Variants in YARS2 observed in about 807,000 individuals in gnomAD.
YARS2 encodes the protein tyrosyl-tRNA synthetase 2.
In YARS2, 38 loss-of-function variants were observed where a neutral mutation model predicts 45.0. The ratio of observed to expected loss-of-function variants is 0.84; its 90% CI spans 0.65 to 1.11. The LOEUF (loss-of-function observed/expected upper bound fraction) is 1.11, where lower values mean the gene tolerates loss of function less well. Among genes scored for constraint, YARS2 ranks in the 50% least tolerant of loss-of-function variants. YARS2 has a pLI of 0.00. For synonymous variants in YARS2, 287 were observed against 245.1 expected, an observed-to-expected ratio of 1.17 and a Z score of -1.60; for missense variants, 602 against 599.8, an observed-to-expected ratio of 1.00 and a Z score of -0.04.
chr12:32,755,029 G>GA (rs1955820473), intron 1 of YARS2, 67 bp downstream of exon 1: 2 of 1,593,908 alleles, frequency 1.3e-6, no homozygotes, highest in African/African-American at 2.7e-5. Flanking sequence ...TCCTAAGAGT[G>GA]AATCACAGGC....
chr12:32,748,103 C>T (rs1955676763), intron 4 of YARS2, among the ~76,000 whole-genome samples: 1 of 152,140 alleles, frequency 6.6e-6, no homozygotes, highest in Non-Finnish European at 1.5e-5. Context: ...TGGTGGTTTT[C>T]TCTCATCTGA....
At chr12:32,754,443 A>C (rs1680948312) in intron 1 of YARS2, among the ~76,000 whole-genome samples, 1 of 152,212 alleles carries the variant, frequency 6.6e-6, no homozygotes, top group Non-Finnish European at 1.5e-5. Flanking sequence ...GTTGCACATG[A>C]GCTAGCCCTA....
chr12:32,754,148 C>T, intron 1 of YARS2, 63 bp from the exon 2 acceptor site: 1 of 1,595,018 alleles, frequency 6.3e-7, no homozygotes, highest in Non-Finnish European at 8.6e-7. Context: ...TTCTACTGTT[C>T]ACCTTCCAGA....
chr12:32,751,682 A>G (rs1955748644), intron 2 of YARS2, among the ~76,000 whole-genome samples: 1 of 152,168 alleles, frequency 6.6e-6, no homozygotes. Context: ...AAACTGTTCC[A>G]CTTCAGATCA....
At chr12:32,747,541 C>G (rs1565556228) in intron 4 of YARS2, among the ~76,000 whole-genome samples, 178 bp from the exon 5 acceptor site, 1 of 152,118 alleles carries the variant, frequency 6.6e-6, no homozygotes, top group South Asian at 2.1e-4. Context: ...CTTTACTGCT[C>G]TTTGTTTTTT....
chr12:32,753,680 T>TA (rs1295459206), intron 2 of YARS2, among the ~76,000 whole-genome samples: 3 of 152,222 alleles, frequency 2.0e-5, no homozygotes, highest in Admixed American at 2.0e-4. Context: ...ACTTGCTAGA[T>TA]ACAGATCAAA....
chr12:32,750,911 C>G, intron 2 of YARS2, 37 bp from the exon 3 acceptor site: 1 of 1,610,292 alleles, frequency 6.2e-7, no homozygotes, highest in Non-Finnish European at 8.5e-7. Context: ...ACTTATATAA[C>G]ATACCTAATT....
chr12:32,747,464 A>AAATCTTCTCAATT, intron 4 of YARS2, 101 bp from the exon 5 acceptor site: 1 of 1,259,100 alleles, frequency 7.9e-7, no homozygotes, highest in Non-Finnish European at 1.1e-6. Flanking sequence ...TCTCCAATTG[A>AAATCTTCTCAATT]GAAGATTTCA....
rs142067801 is a variant in YARS2, at chr12:32,753,995, A to G, written c.870T>C (p.Val290=). The change falls in exon 2 of 5, where the codon GTT becomes GTC. Residue 290 remains valine, a synonymous_variant. Transcript: ENST00000324868. ...GAGATGTCTTATCTCTGTTTAGCCA[A>G]ACAGCGTTGCCAGCAGACTTTCCCA... ...AKLGKSAGNA[V]WLNRDKTSPF... is the part of the protein sequence containing the mutation. 545 of 1,614,222 alleles carry G rather than the reference A, an allele frequency of 3.4e-4. 7 individuals are homozygous for G. In the East Asian group the frequency reaches 0.01, roughly 31 times the overall value.
intron 2 of YARS2, among the ~76,000 whole-genome samples, chr12:32,753,569 CAT>C (rs1955789592): frequency 6.6e-6 from 1 of 151,960 alleles, no homozygotes; most frequent in Non-Finnish European, 1.5e-5. Context: ...TCTTTAAAGT[CAT>C]ATTTGTGAGA....
chr12:32,750,873 A>G lies in YARS2; in HGVS notation c.949T>C (p.Tyr317His). 2 of 1,613,834 alleles carry G rather than the reference A, an allele frequency of 1.2e-6. No homozygotes were observed. The highest frequency in any genetic ancestry group is 1.7e-6 in the Non-Finnish European group (2 of 1,179,954). Residue 317 changes from tyrosine to histidine, a missense_variant and splice_region_variant, in exon 3 of 5, where the codon TAC (tyrosine) becomes CAC (histidine). Physicochemically the swap from Tyr to His is moderately conservative, Grantham distance 83 (BLOSUM62 2). Coordinates refer to ENST00000324868, the MANE Select transcript of YARS2 (RefSeq NM_001040436.3). ...VRQPDDSVER[Y>H]LKLFTFLPLP... is the part of the protein sequence containing the mutation. ...GGCAGGAAAGTGAACAGCTTCAGGT[A>G]CCTTTGAGACAAAAAATAAAGAGTT...
intron 4 of YARS2, among the ~76,000 whole-genome samples, chr12:32,749,259 A>T (rs1311526627): frequency 1.3e-5 from 2 of 152,102 alleles, no homozygotes; most frequent in Non-Finnish European, 2.9e-5. Context: ...GGGCTGTGTT[A>T]ATCTGTTACA....
intron 2 of YARS2, among the ~76,000 whole-genome samples, chr12:32,751,075 T>C (rs1277929742): frequency 6.6e-6 from 1 of 151,622 alleles, no homozygotes; most frequent in East Asian, 1.9e-4. Flanking sequence ...CAATTTCTTT[T>C]TTTTTTTTTT....
chr12:32,749,139 G>A (rs561640846), intron 4 of YARS2, among the ~76,000 whole-genome samples: 20 of 152,192 alleles, frequency 1.3e-4, no homozygotes, highest in African/African-American at 4.6e-4. Flanking sequence ...AAGTACTTGC[G>A]GTTTTGGCCA....
At chr12:32,751,835 G>A (rs1185232884) in intron 2 of YARS2, among the ~76,000 whole-genome samples, 1 of 152,178 alleles carries the variant, frequency 6.6e-6, no homozygotes, top group African/African-American at 2.4e-5. Context: ...ATGCTCGCTC[G>A]CCTGCCACTC....
Position 32,750,706 on chromosome 12 carries a change from A to G in YARS2, c.1103+13T>C, listed in dbSNP as rs1955727398. 2 of 1,613,376 alleles carry G rather than the reference A, an allele frequency of 1.2e-6. No individual in the cohort carries two copies. Among genetic ancestry groups the G allele is most frequent in the Non-Finnish European group, 1.7e-6 (2 of 1,180,000 alleles). The stretch of plus-strand genomic sequence containing the variant: ...TAACTAACTATCAAGTGTTAATCAT[A>G]CTAAACTACTACCTTTTAGCAGAAT... On this transcript the variant is annotated intron_variant, in intron 3 of 4. Transcript: ENST00000324868.
chr12:32,750,321 C>T (rs1047456448), intron 3 of YARS2, among the ~76,000 whole-genome samples: 13 of 152,084 alleles, frequency 8.5e-5, no homozygotes, highest in Non-Finnish European at 1.9e-4. Context: ...CCTGCCTCAG[C>T]CTCCTGAGTA....
chr12:32,747,060 T>C lies in YARS2; in HGVS notation c.*144A>G. On this transcript the variant is annotated 3_prime_UTR_variant, in exon 5 of 5. Coordinates refer to ENST00000324868, the MANE Select transcript of YARS2 (RefSeq NM_001040436.3). ...ATATTTATTAACCGGCCCATAAAAA[T>C]AATGAAGTTACTCACACTGAGTCCT... is the stretch of plus-strand genomic sequence containing the variant. The C allele has an allele frequency of 2.8e-6, 2 of 724,866 alleles. No homozygotes were observed. The highest frequency in any genetic ancestry group is 4.5e-6 in the Non-Finnish European group (2 of 439,696). 44.9% of individuals were successfully genotyped at this position (724,866 alleles called of 1,614,324 possible). A position where few individuals can be genotyped will look rare whatever the true frequency, so the allele number is the denominator to read the frequency against.
At chr12:32,753,152 A>G (rs1299411021) in intron 2 of YARS2, among the ~76,000 whole-genome samples, 2 of 148,190 alleles carry the variant, frequency 1.3e-5, no homozygotes, top group African/African-American at 2.5e-5. Context: ...CACCATTACT[A>G]AAAAAAAAAT....
Sources: allele counts gnomAD v4.1 joint callset (sites outside exome capture counted in the v4.1 genomes callset), GRCh38; gene constraint gnomAD v4.1.1; transcripts MANE v1.5; gene names NCBI Gene and HGNC (gene_info 2026-07-23, HGNC 2026-07-21).